The following TSC1 variants were observed in gnomAD, a reference collection of about 807,000 sequenced individuals.
TSC1 encodes TSC complex subunit 1.
TSC1 carries 20 observed loss-of-function variants against 124.3 expected under a neutral mutation model. That is an observed-to-expected ratio of 0.16 (90% confidence interval 0.11 to 0.23). The LOEUF (loss-of-function observed/expected upper bound fraction) is 0.23, where lower values mean the gene tolerates loss of function less well. Ranked by LOEUF, TSC1 falls within the 10% of genes least tolerant of loss-of-function variation. TSC1 has a pLI of 1.00. For synonymous variants in TSC1, 493 were observed against 539.1 expected, an observed-to-expected ratio of 0.91 and a Z score of 1.19; for missense variants, 1,124 against 1,448.5, an observed-to-expected ratio of 0.78 and a Z score of 3.64.
rs2132264422 is a variant in TSC1, at chr9:132,927,191, C to T, written c.210+10G>A. Reference sequence around the variant, plus strand: ...AACATATGAAATGCCTATGATATTTCAGCCATTACCTTGTCATGTGGCTCT... The same window carrying T: ...AACATATGAAATGCCTATGATATTTTAGCCATTACCTTGTCATGTGGCTCT... On this transcript the variant is annotated intron_variant, in intron 4 of 22. Coordinates refer to ENST00000298552, the MANE Select transcript of TSC1 (RefSeq NM_000368.5). 1 of 1,612,910 alleles carries T rather than the reference C, an allele frequency of 6.2e-7. No homozygotes were observed. Among genetic ancestry groups the T allele is most frequent in the East Asian group, 2.2e-5 (1 of 44,880 alleles).
rs892952367 is a variant in TSC1 at position 132,944,566 on chromosome 9, G to A, written c.-167C>T. ...ACCCACCGTCTCCTCCCCCTCAGCTGTTTACCTCACAGTCCCTCCAGCCTA... is the reference window on the plus strand; with the variant it reads ...ACCCACCGTCTCCTCCCCCTCAGCTATTTACCTCACAGTCCCTCCAGCCTA... On this transcript the variant is annotated 5_prime_UTR_variant, in exon 1 of 23. Transcript: ENST00000298552. 9.8e-5 allele frequency: 39 copies of A among 398,710 alleles called. No homozygotes were observed. The highest frequency in any genetic ancestry group is 1.6e-4 in the Non-Finnish European group (37 of 226,288). The allele number at this position is 398,710 out of a possible 1,614,324, so 24.7% of individuals were successfully genotyped here.
At position 132,942,321 on chromosome 9, in the gene TSC1, A is replaced by G. The variant is rs182235029; in HGVS notation, c.-144+2222T>C. ...AGTCTTCTTCCAAAATATATATACA[A>G]GGTGTCCGAATATGTAGGTCTACCT... On this transcript the variant is annotated intron_variant, in intron 1 of 22. Coordinates refer to ENST00000298552, the MANE Select transcript of TSC1 (RefSeq NM_000368.5). 314 of 152,364 alleles carry G rather than the reference A, an allele frequency of 2.1e-3. 1 individual carries two copies. Among genetic ancestry groups the G allele is most frequent in the African/African-American group, 6.9e-3 (288 of 41,574 alleles). 9.4% of individuals were successfully genotyped at this position (152,364 alleles called of 1,614,324 possible). A position where few individuals can be genotyped will look rare whatever the true frequency, so the allele number is the denominator to read the frequency against.
chr9:132,927,022 T>A, intron 4 of TSC1, 179 bp downstream of exon 4: 1 of 647,702 alleles, frequency 1.5e-6, no homozygotes, highest in Admixed American at 2.5e-5. Context: ...TGTAAACTTT[T>A]CAAGAATCAT....
chr9:132,912,317 G>A lies in TSC1; in HGVS notation c.878C>T (p.Thr293Ile), dbSNP rs756681916. 6.2e-7 allele frequency: 1 copy of A among 1,614,216 alleles called. No individual in the cohort carries two copies. Among genetic ancestry groups the A allele is most frequent in the East Asian group, 2.2e-5 (1 of 44,886 alleles). The change falls in exon 9 of 23, where the codon ACC (threonine) becomes ATC (isoleucine). Residue 293 changes from threonine to isoleucine, a missense_variant. Physicochemically the swap from Thr to Ile is moderately conservative, Grantham distance 89 (BLOSUM62 -1). Around this residue, in one of 5 missense-constraint regions of TSC1, gnomAD observed 463 missense variants for 606.8 expected, o/e 0.76. Coordinates refer to ENST00000298552, the MANE Select transcript of TSC1 (RefSeq NM_000368.5). The part of the protein sequence containing the change: ...ARFPHRSADV[T>I]TSPYADTQNS... The stretch of plus-strand genomic sequence containing the variant: ...CTGTGTGTCAGCATAAGGGCTGGTG[G>A]TGACATCGGCTGAACGATGAGGAAA...
At position 132,902,970 on chromosome 9, in the gene TSC1, C is replaced by T. The variant is rs1845464655; in HGVS notation, c.2209-183G>A. Among the ~76,000 whole-genome samples the T allele has an allele frequency of 6.6e-6, 1 of 152,216 alleles. No homozygotes were observed. The highest frequency in any genetic ancestry group is 1.5e-5 in the Non-Finnish European group (1 of 68,046). On this transcript the variant is annotated intron_variant, in intron 17 of 22. Transcript: ENST00000298552. This position sits in a 1 kb window ranked among gnomAD's most constrained non-coding sequence, Gnocchi z 5.2. The stretch of plus-strand genomic sequence containing the variant: ...TTAGGTCAAGGTTTTCCAAATTTTA[C>T]ATTAAGCAAATGGATCTTAAGTTGC...
At chr9:132,908,081 TG>T (rs1481018160) in intron 12 of TSC1, among the ~76,000 whole-genome samples, 1 of 152,156 alleles carries the variant, frequency 6.6e-6, no homozygotes, top group African/African-American at 2.4e-5. Context: ...AGTGAGACCC[TG>T]TCTCACACAC....
intron 8 of TSC1, among the ~76,000 whole-genome samples, chr9:132,919,812 G>A (rs1008161209): frequency 3.3e-5 from 5 of 152,196 alleles, no homozygotes; most frequent in African/African-American, 9.7e-5. Flanking sequence ...ATGTCTCAAA[G>A]TTCCTGCTGT....
At chr9:132,904,237 T>C (rs897267889) in intron 16 of TSC1, among the ~76,000 whole-genome samples, 174 bp downstream of exon 16, 3 of 152,132 alleles carry the variant, frequency 2.0e-5, no homozygotes, top group African/African-American at 7.2e-5. Context: ...TTTTCAAAAA[T>C]AAGAAATGCT....
chr9:132,925,557 A>G, intron 5 of TSC1, 30 bp downstream of exon 5: 1 of 1,613,970 alleles, frequency 6.2e-7, no homozygotes, highest in Non-Finnish European at 8.5e-7. Flanking sequence ...TCATAAAACC[A>G]TTTCATTCAA....
Position 132,891,936 on chromosome 9 carries a change from C to T in TSC1, c.*4299G>A. On this transcript the variant is annotated 3_prime_UTR_variant, in exon 23 of 23. Coordinates refer to ENST00000298552, the MANE Select transcript of TSC1 (RefSeq NM_000368.5). ...AGGGTTTCCACTGAAAGGTCCATTC[C>T]AATGGTTAAACCAGCCTACTTATCT... The T allele has an allele frequency of 4.3e-6, 1 of 233,362 alleles. No individual in the cohort carries two copies. The highest frequency in any genetic ancestry group is 8.5e-6 in the Non-Finnish European group (1 of 117,950). 14.5% of individuals were successfully genotyped at this position (233,362 alleles called of 1,614,324 possible). A position where few individuals can be genotyped will look rare whatever the true frequency, so the allele number is the denominator to read the frequency against.
rs1844888254 is a variant in TSC1, at chr9:132,893,769, C to T, written c.*2466G>A. ...AATTGGTTTCAAGGTAGACTCTGCC[C>T]TTAACGCTTATTGTACTAATACCTT... On this transcript the variant is annotated 3_prime_UTR_variant, in exon 23 of 23. Coordinates refer to ENST00000298552, the MANE Select transcript of TSC1 (RefSeq NM_000368.5). The T allele has an allele frequency of 2.1e-5, 5 of 233,148 alleles. No individual in the cohort carries two copies. Among genetic ancestry groups the T allele is most frequent in the Non-Finnish European group, 3.4e-5 (4 of 118,062 alleles). The allele number at this position is 233,148 out of a possible 1,614,324, so 14.4% of individuals were successfully genotyped here.
In TSC1 at chr9:132,896,871, C is replaced by G. The variant is rs1196489886; in HGVS notation, c.2976-117G>C. ...ACACTGAACTCCGCTAGCCCACTCT[C>G]TGTTTTATAATACTGGACTCAAGAG... is the stretch of plus-strand genomic sequence containing the variant. On this transcript the variant is annotated intron_variant, in intron 22 of 22. Coordinates refer to ENST00000298552, the MANE Select transcript of TSC1 (RefSeq NM_000368.5). This position sits in a 1 kb window ranked among gnomAD's most constrained non-coding sequence, Gnocchi z 4.5. 14 of 1,497,668 alleles carry G rather than the reference C, an allele frequency of 9.3e-6. No individual in the cohort carries two copies. The East Asian group carries it at 1.6e-4, about 17-fold the overall frequency. 92.8% of individuals were successfully genotyped at this position (1,497,668 alleles called of 1,614,324 possible).
chr9:132,937,864 A>G (rs1847542443), intron 1 of TSC1, among the ~76,000 whole-genome samples: 1 of 152,060 alleles, frequency 6.6e-6, no homozygotes. Flanking sequence ...ACAGGCACGC[A>G]CCACCATGCC....
In TSC1 at chr9:132,911,538, G is replaced by C. The variant is rs1332978347; in HGVS notation, c.944C>G (p.Ser315Cys). ...TGGCATATTTAACAACATCAGCCGA[G>C]ACGTGGAGTAAGGGGTAGAAGTAGC... Reference protein sequence around the residue: ...GCATSTPYSTSRLMLLNMPGQ... With the variant: ...GCATSTPYSTCRLMLLNMPGQ... Residue 315 changes from serine to cysteine, a missense_variant, in exon 10 of 23, where the codon TCT (serine) becomes TGT (cysteine). By Grantham distance (112) the Ser-to-Cys change is moderately radical. Around this residue, in one of 5 missense-constraint regions of TSC1, gnomAD observed 463 missense variants for 606.8 expected, o/e 0.76. Coordinates refer to ENST00000298552, the MANE Select transcript of TSC1 (RefSeq NM_000368.5). The C allele has an allele frequency of 2.5e-6, 4 of 1,602,094 alleles. No individual in the cohort carries two copies. The highest frequency in any genetic ancestry group is 3.4e-5 in the Admixed American group (2 of 58,578).
intron 1 of TSC1, among the ~76,000 whole-genome samples, chr9:132,937,555 C>T (rs1006569420): frequency 2.6e-5 from 4 of 152,246 alleles, no homozygotes; most frequent in African/African-American, 7.2e-5. Flanking sequence ...CGACTAATCC[C>T]GGTTGGACAT....
intron 5 of TSC1, 137 bp downstream of exon 5, chr9:132,925,450 C>G (rs749083262): frequency 1.0e-6 from 1 of 1,002,100 alleles, no homozygotes; most frequent in Non-Finnish European, 1.5e-6. Context: ...GGACAACATT[C>G]TATTTGAGAA....
At chr9:132,925,806 C>T (rs2132242942) in intron 4 of TSC1, 67 bp from the exon 5 acceptor site, 1 of 1,570,406 alleles carries the variant, frequency 6.4e-7, no homozygotes, top group Non-Finnish European at 8.8e-7. Context: ...ATAAAGACAG[C>T]AATGATGTGC....
At chr9:132,926,808 GAGATTATAGGT>G (rs1446929007) in intron 4 of TSC1, 1 of 243,206 alleles carries the variant, frequency 4.1e-6, no homozygotes, top group Admixed American at 5.1e-5. Context: ...CTGAGTAGCT[GAGATTATAGGT>G]GTCCACCACC....
chr9:132,904,600 G>C (rs1845558738), intron 15 of TSC1, 146 bp from the exon 16 acceptor site: 1 of 818,082 alleles, frequency 1.2e-6, no homozygotes, highest in African/African-American at 1.7e-5. Flanking sequence ...CAGGTCCACA[G>C]AGAGTTAGAG....
Sources: gnomAD v4.1 joint callset for allele counts (sites outside exome capture counted in the v4.1 genomes callset) on GRCh38, gnomAD v4.1.1 for gene constraint, gnomAD v4.1.1 regional missense constraint, Gnocchi (gnomAD v3.1) non-coding constraint, MANE v1.5 for transcripts, NCBI Gene and HGNC (gene_info 2026-07-23, HGNC 2026-07-21) for gene names.